Variants in CNTNAP4 observed in about 807,000 individuals in gnomAD.
CNTNAP4 encodes the protein contactin associated protein family member 4, also known as contactin-associated protein-like 4.
CNTNAP4 carries 98 observed loss-of-function variants against 148.4 expected under a neutral mutation model. The ratio of observed to expected loss-of-function variants is 0.66; its 90% CI spans 0.56 to 0.78. The LOEUF (loss-of-function observed/expected upper bound fraction) is 0.78, where lower values mean the gene tolerates loss of function less well. CNTNAP4 is among the 30% of genes least tolerant of loss of function. The pLI, the probability that CNTNAP4 is intolerant of heterozygous loss-of-function variation, is 0.00. For synonymous variants in CNTNAP4, 730 were observed against 565.1 expected (o/e 1.29, Z -4.14); for missense variants, 1,935 against 1,565.6 (o/e 1.24, Z -3.98).
intron 2 of CNTNAP4, among the ~76,000 whole-genome samples, chr16:76,335,455 A>C (rs1963937224): frequency 6.6e-6 from 1 of 152,136 alleles, no homozygotes; most frequent in Admixed American, 6.5e-5. Context: ...AGGGAAGATG[A>C]GCAGGCAGAA....
At chr16:76,338,912 G>A (rs1033288443) in intron 2 of CNTNAP4, among the ~76,000 whole-genome samples, 1 of 152,148 alleles carries the variant, frequency 6.6e-6, no homozygotes, top group African/African-American at 2.4e-5. Flanking sequence ...AGTGATCTCT[G>A]TTTATAGCCA....
At chr16:76,309,880 C>T (rs754138831) in intron 1 of CNTNAP4, 7 of 701,782 alleles carry the variant, frequency 1.0e-5, no homozygotes, top group South Asian at 8.9e-5. Context: ...CGCCATGATT[C>T]TGAGGCCTTC....
chr16:76,331,236 G>A (rs1963487187), intron 2 of CNTNAP4, among the ~76,000 whole-genome samples: 1 of 151,576 alleles, frequency 6.6e-6, no homozygotes. Flanking sequence ...TGCCCAGGCT[G>A]GAGTGCAGTG....
intron 15 of CNTNAP4, among the ~76,000 whole-genome samples, chr16:76,509,911 G>A (rs1471504586): frequency 3.1e-5 from 3 of 95,964 alleles, no homozygotes; most frequent in African/African-American, 7.8e-5. Context: ...TGTTGCCTTA[G>A]GATTCTAAAA....
At chr16:76,546,017 C>G (rs12597412) in intron 21 of CNTNAP4, among the ~76,000 whole-genome samples, 29,676 of 149,892 alleles carry the variant, frequency 0.2, 3,649 homozygotes, top group Middle Eastern at 0.32. Flanking sequence ...CCTGGTGACA[C>G]AGCAAGACTC....
intron 3 of CNTNAP4, among the ~76,000 whole-genome samples, chr16:76,355,880 ATTT>A (rs1567830385): frequency 9.3e-6 from 1 of 107,656 alleles, no homozygotes; most frequent in Non-Finnish European, 2.2e-5. Context: ...TTATTTATTT[ATTT>A]ATTTATTTTT....
At chr16:76,503,437 T>A (rs2082725960) in intron 15 of CNTNAP4, among the ~76,000 whole-genome samples, 1 of 152,240 alleles carries the variant, frequency 6.6e-6, no homozygotes, top group Admixed American at 6.5e-5. Context: ...ACAGGTAACA[T>A]GACTTTCTAG....
chr16:76,329,858 G>C (rs1255310946), intron 2 of CNTNAP4, among the ~76,000 whole-genome samples: 1 of 152,162 alleles, frequency 6.6e-6, no homozygotes, highest in East Asian at 1.9e-4. Context: ...GTATTAAAAT[G>C]AAAAATAAGG....
chr16:76,332,643 C>T (rs1963640446), intron 2 of CNTNAP4, among the ~76,000 whole-genome samples: 2 of 152,182 alleles, frequency 1.3e-5, no homozygotes, highest in Admixed American at 6.5e-5. Flanking sequence ...CTCTCCTATC[C>T]TTCTGAGATT....
intron 4 of CNTNAP4, among the ~76,000 whole-genome samples, chr16:76,430,954 C>G (rs565099950): frequency 1.3e-5 from 2 of 152,000 alleles, no homozygotes; most frequent in Non-Finnish European, 2.9e-5. Flanking sequence ...CCAAAAAGAA[C>G]TAGGTATGGG....
intron 1 of CNTNAP4, among the ~76,000 whole-genome samples, chr16:76,291,433 C>G (rs1959111754): frequency 6.6e-6 from 1 of 152,124 alleles, no homozygotes; most frequent in Admixed American, 6.5e-5. Flanking sequence ...CTGGTGCTGT[C>G]TAGGTGCCTC....
intron 2 of CNTNAP4, among the ~76,000 whole-genome samples, chr16:76,341,946 C>T (rs916951414): frequency 1.3e-5 from 2 of 152,104 alleles, no homozygotes; most frequent in Non-Finnish European, 1.5e-5. Flanking sequence ...GGAGCTTGCC[C>T]GAAGTGACAG....
intron 2 of CNTNAP4, among the ~76,000 whole-genome samples, chr16:76,331,369 T>C (rs1963505719): frequency 2.6e-5 from 4 of 151,974 alleles, no homozygotes; most frequent in African/African-American, 7.2e-5. Context: ...TTGTATTTTT[T>C]AGTAGAGGCA....
intron 3 of CNTNAP4, among the ~76,000 whole-genome samples, chr16:76,358,717 T>C (rs1225105822): frequency 6.6e-6 from 1 of 152,200 alleles, no homozygotes; most frequent in Non-Finnish European, 1.5e-5. Context: ...CAAAGAAAGT[T>C]GACAGATAAC....
intron 3 of CNTNAP4, among the ~76,000 whole-genome samples, chr16:76,378,941 A>G (rs1033282246): frequency 1.3e-5 from 2 of 152,174 alleles, no homozygotes; most frequent in African/African-American, 2.4e-5. Flanking sequence ...CTTCAGTTCT[A>G]TGGCCACTTC....
chr16:76,498,167 G>C (rs1312885982), intron 14 of CNTNAP4, among the ~76,000 whole-genome samples: 2 of 152,178 alleles, frequency 1.3e-5, no homozygotes, highest in African/African-American at 2.4e-5. Flanking sequence ...GAGGCAAGTG[G>C]ATCACTTGAG....
chr16:76,296,606 A>G (rs1410539480), intron 1 of CNTNAP4, among the ~76,000 whole-genome samples: 1 of 152,182 alleles, frequency 6.6e-6, no homozygotes, highest in African/African-American at 2.4e-5. Context: ...ATATAAAGAT[A>G]TAGAGATGCT....
chr16:76,317,727 A>G (rs199820168), intron 2 of CNTNAP4, among the ~76,000 whole-genome samples: 11 of 145,960 alleles, frequency 7.5e-5, no homozygotes, highest in Middle Eastern at 3.5e-3. Context: ...GTGTGTGTGT[A>G]TGTGTGTGTG....
At chr16:76,343,663 G>A (rs924589839) in intron 2 of CNTNAP4, among the ~76,000 whole-genome samples, 2 of 152,096 alleles carry the variant, frequency 1.3e-5, no homozygotes, top group African/African-American at 4.8e-5. Flanking sequence ...CCAATGGTTT[G>A]TTACATTTGC....
Sources: allele counts gnomAD v4.1 joint callset (sites outside exome capture counted in the v4.1 genomes callset), GRCh38; gene constraint gnomAD v4.1.1; transcripts MANE v1.5; gene names NCBI Gene and HGNC (gene_info 2026-07-23, HGNC 2026-07-21).